The following MAP4K5 variants were observed in gnomAD, a reference collection of about 807,000 sequenced individuals.
MAP4K5 encodes mitogen-activated protein kinase kinase kinase kinase 5, also known as MAPK/ERK kinase kinase kinase 5.
MAP4K5 carries 82 observed loss-of-function variants against 135.6 expected under a neutral mutation model. The observed-to-expected ratio is 0.60, with a 90% confidence interval of 0.51 to 0.73. MAP4K5 has a LOEUF of 0.73. MAP4K5 is among the 30% of genes least tolerant of loss of function. MAP4K5 has a pLI of 0.00. For synonymous variants in MAP4K5, 347 were observed against 335.0 expected, an observed-to-expected ratio of 1.04 and a Z score of -0.39; for missense variants, 907 against 1,010.9, an observed-to-expected ratio of 0.90 and a Z score of 1.39.
intron 15 of MAP4K5, 86 bp downstream of exon 15, chr14:50,448,688 T>C (rs1023457291): frequency 8.9e-5 from 65 of 728,122 alleles, no homozygotes; most frequent in Non-Finnish European, 1.4e-4. Context: ...GTATATTACT[T>C]TGTTTTCTAA....
Position 50,431,269 on chromosome 14 carries a change from ATACTT to A in MAP4K5, c.2165-2014_2165-2010del, listed in dbSNP as rs1014687767. Among the ~76,000 whole-genome samples the A allele has an allele frequency of 2.5e-3, 382 of 152,042 alleles. 2 individuals carry two copies. The highest frequency in any genetic ancestry group is 8.4e-3 in the African/African-American group (348 of 41,482). ...TTTTATTTATTTATTTATTATTATT[ATACTT>A]TAAGTTTTAGGGTACATGTGCACAA... On this transcript the variant is annotated intron_variant, in intron 28 of 32. Transcript: ENST00000682126.
At chr14:50,479,385 A>C (rs2037186189) in intron 6 of MAP4K5, among the ~76,000 whole-genome samples, 1 of 151,982 alleles carries the variant, frequency 6.6e-6, no homozygotes, top group Non-Finnish European at 1.5e-5. Flanking sequence ...GTTTTTTGCA[A>C]TATTTAATCA....
intron 14 of MAP4K5, among the ~76,000 whole-genome samples, chr14:50,453,043 A>G (rs1220381406): frequency 6.6e-6 from 1 of 152,188 alleles, no homozygotes; most frequent in African/African-American, 2.4e-5. Context: ...TGATACCTGT[A>G]GAGTCCCTAT....
At chr14:50,488,091 A>C (rs577870328) in intron 3 of MAP4K5, among the ~76,000 whole-genome samples, 16 of 152,134 alleles carry the variant, frequency 1.1e-4, no homozygotes, top group Non-Finnish European at 2.1e-4. Context: ...GGTTTAATTG[A>C]CTTACACCTC....
At chr14:50,548,294 CA>C (rs1448951055) in intron 1 of MAP4K5, among the ~76,000 whole-genome samples, 2 of 152,180 alleles carry the variant, frequency 1.3e-5, no homozygotes, top group Non-Finnish European at 2.9e-5. Context: ...GCCCATTGTA[CA>C]CCCTAATGAA....
At chr14:50,499,345 G>A (rs2037659410) in intron 3 of MAP4K5, among the ~76,000 whole-genome samples, 1 of 152,026 alleles carries the variant, frequency 6.6e-6, no homozygotes, top group Non-Finnish European at 1.5e-5. Flanking sequence ...TAAAAACATT[G>A]GAACCAACAA....
intron 2 of MAP4K5, among the ~76,000 whole-genome samples, chr14:50,513,946 C>T (rs1051227518): frequency 3.9e-5 from 6 of 152,210 alleles, no homozygotes; most frequent in Admixed American, 3.9e-4. Flanking sequence ...AGCAACGCAG[C>T]ACCCATAAGG....
intron 9 of MAP4K5, among the ~76,000 whole-genome samples, chr14:50,469,490 G>T (rs756381625): frequency 2.6e-5 from 4 of 152,074 alleles, no homozygotes; most frequent in Non-Finnish European, 5.9e-5. Context: ...TGAAAATGAT[G>T]GGGACCCAAT....
In MAP4K5 at chr14:50,504,827, C is replaced by T; in HGVS notation, c.139G>A (p.Ala47Thr). The T allele has an allele frequency of 6.4e-7, 1 of 1,557,620 alleles. No individual in the cohort carries two copies. Among genetic ancestry groups the T allele is most frequent in the Non-Finnish European group, 8.7e-7 (1 of 1,150,540 alleles). The change falls in exon 3 of 33, where the codon GCA becomes ACA. Residue 47 changes from alanine (A) to threonine (T), a missense_variant. By Grantham distance (58) the Ala-to-Thr change is moderately conservative. Coordinates refer to ENST00000682126, the MANE Select transcript of MAP4K5 (RefSeq NM_006575.6). Reference sequence around the variant, plus strand: ...GGCTCCAATTTAATGATTTTTACTGCAGCCAGCTCTCCTGTGTGTACATTT... The same window carrying T: ...GGCTCCAATTTAATGATTTTTACTGTAGCCAGCTCTCCTGTGTGTACATTT... ...ARNVHTGELAAVKIIKLEPGD... is the reference protein window; with the variant it reads ...ARNVHTGELATVKIIKLEPGD...
At chr14:50,560,336 G>T (rs1322051108) in intron 1 of MAP4K5, 2 of 1,610,300 alleles carry the variant, frequency 1.2e-6, no homozygotes, top group Non-Finnish European at 1.7e-6. Flanking sequence ...GCCTGCACGG[G>T]GTCTTCTGGC....
chr14:50,444,152 A>G, intron 18 of MAP4K5, 116 bp from the exon 19 acceptor site: 1 of 714,616 alleles, frequency 1.4e-6, no homozygotes, highest in South Asian at 1.6e-5. Flanking sequence ...TTATTGGGGA[A>G]TATTCTCTAC....
chr14:50,523,867 G>C (rs2038204504), intron 2 of MAP4K5, among the ~76,000 whole-genome samples: 1 of 152,062 alleles, frequency 6.6e-6, no homozygotes, highest in Non-Finnish European at 1.5e-5. Context: ...TTTGCATCCT[G>C]TCCTCCCAGT....
At chr14:50,475,763 T>A (rs2037083061) in intron 8 of MAP4K5, among the ~76,000 whole-genome samples, 1 of 152,138 alleles carries the variant, frequency 6.6e-6, no homozygotes, top group Non-Finnish European at 1.5e-5. Context: ...TAAATAAATA[T>A]ACAGTCCATT....
intron 2 of MAP4K5, among the ~76,000 whole-genome samples, chr14:50,507,170 T>C (rs956326008): frequency 6.6e-6 from 1 of 152,246 alleles, no homozygotes; most frequent in Non-Finnish European, 1.5e-5. Context: ...AACTTTCATA[T>C]ACATTACTTA....
intron 2 of MAP4K5, among the ~76,000 whole-genome samples, chr14:50,510,792 T>C (rs186653061): frequency 1.3e-5 from 2 of 152,298 alleles, no homozygotes; most frequent in Non-Finnish European, 1.5e-5. Flanking sequence ...TCTTCCAAAA[T>C]AACTATTGTT....
At chr14:50,422,538 T>C (rs2035756753) in intron 32 of MAP4K5, among the ~76,000 whole-genome samples, 1 of 150,746 alleles carries the variant, frequency 6.6e-6, no homozygotes, top group Admixed American at 6.6e-5. Context: ...TTATTAGCTA[T>C]AGAAGTAGAC....
At position 50,434,584 on chromosome 14, in the gene MAP4K5, T is replaced by C. The variant is rs1242624235; in HGVS notation, c.1987-13A>G. 7.0e-6 allele frequency: 11 copies of C among 1,564,058 alleles called. No homozygotes were observed. The highest frequency in any genetic ancestry group is 9.5e-6 in the Non-Finnish European group (11 of 1,154,096). ...GAAAATCAAAGTGCTGCAAAAAAAATAAACAATAGAGCCATAATTCAGAAA... is the reference window on the plus strand; with the variant it reads ...GAAAATCAAAGTGCTGCAAAAAAAACAAACAATAGAGCCATAATTCAGAAA... On this transcript the variant is annotated splice_polypyrimidine_tract_variant and intron_variant, in intron 27 of 32. Coordinates refer to ENST00000682126, the MANE Select transcript of MAP4K5 (RefSeq NM_006575.6).
intron 13 of MAP4K5, among the ~76,000 whole-genome samples, chr14:50,459,759 G>A (rs1366353703): frequency 8.0e-5 from 12 of 150,388 alleles, no homozygotes; most frequent in Admixed American, 3.3e-4. Context: ...GTGCAGTGGC[G>A]CGATCTTGGC....
At chr14:50,448,464 G>A (rs1353694721) in intron 15 of MAP4K5, among the ~76,000 whole-genome samples, 1 of 150,002 alleles carries the variant, frequency 6.7e-6, no homozygotes, top group Non-Finnish European at 1.5e-5. Flanking sequence ...AAAACAAACA[G>A]AATCAGTTAA....
Sources: allele counts gnomAD v4.1 joint callset (sites outside exome capture counted in the v4.1 genomes callset), GRCh38; gene constraint gnomAD v4.1.1; transcripts MANE v1.5; gene names NCBI Gene and HGNC (gene_info 2026-07-23, HGNC 2026-07-21).